The following INPP4B variants were observed in gnomAD, a reference collection of about 807,000 sequenced individuals.
INPP4B encodes inositol polyphosphate-4-phosphatase type II B.
INPP4B carries 55 observed loss-of-function variants against 122.5 expected under a neutral mutation model. That is an observed-to-expected ratio of 0.45 (90% CI 0.36 to 0.56). INPP4B has a LOEUF of 0.56. INPP4B is among the 20% of genes least tolerant of loss of function. The pLI, the probability that INPP4B is intolerant of heterozygous loss-of-function variation, is 0.00. For synonymous variants in INPP4B, 403 were observed against 388.7 expected (o/e 1.04, Z -0.43); for missense variants, 1,000 against 1,097.7 (o/e 0.91, Z 1.26).
chr4:142,639,779 A>G (rs1379862569), intron 2 of INPP4B, among the ~76,000 whole-genome samples: 1 of 152,120 alleles, frequency 6.6e-6, no homozygotes, highest in Non-Finnish European at 1.5e-5. Flanking sequence ...TTGCCTTTGA[A>G]TGAGAGGTAT....
intron 2 of INPP4B, among the ~76,000 whole-genome samples, chr4:142,618,753 G>C (rs1285285935): frequency 2.0e-5 from 3 of 151,916 alleles, no homozygotes; most frequent in Non-Finnish European, 4.4e-5. Flanking sequence ...AAACTAAAAA[G>C]CTTCTGCAGA....
intron 5 of INPP4B, among the ~76,000 whole-genome samples, chr4:142,422,914 C>G (rs1434142916): frequency 6.6e-6 from 1 of 151,996 alleles, no homozygotes; most frequent in Admixed American, 6.6e-5. Flanking sequence ...CAAGCACAGG[C>G]CTTGTTTAAT....
At chr4:142,068,924 A>G (rs552171570) in intron 25 of INPP4B, among the ~76,000 whole-genome samples, 1,971 of 152,156 alleles carry the variant, frequency 0.013, 44 homozygotes, top group African/African-American at 0.045. Context: ...ACAGATCAAC[A>G]AGACAGAAAG....
At chr4:142,514,694 C>A (rs537048043) in intron 2 of INPP4B, 1 of 151,662 alleles carries the variant, frequency 6.6e-6, no homozygotes, top group Non-Finnish European at 1.5e-5. Context: ...ATGTAGAGAA[C>A]TCAGCTTAGA....
At chr4:142,764,238 G>A (rs1456070631) in intron 1 of INPP4B, among the ~76,000 whole-genome samples, 1 of 152,026 alleles carries the variant, frequency 6.6e-6, no homozygotes, top group Non-Finnish European at 1.5e-5. Context: ...AAACTCACAA[G>A]CAAACTAAAA....
intron 12 of INPP4B, among the ~76,000 whole-genome samples, chr4:142,213,376 T>C (rs951752410): frequency 1.2e-4 from 19 of 152,280 alleles, no homozygotes; most frequent in Middle Eastern, 3.4e-3. Context: ...ATAGCTATAT[T>C]AGCTTTGGAA....
chr4:142,224,527 A>C (rs1208193092), intron 12 of INPP4B, among the ~76,000 whole-genome samples: 1 of 152,180 alleles, frequency 6.6e-6, no homozygotes. Context: ...CCAATTCTAC[A>C]TTATATGAAA....
intron 1 of INPP4B, among the ~76,000 whole-genome samples, chr4:142,758,003 G>A (rs925000973): frequency 6.6e-6 from 1 of 152,162 alleles, no homozygotes; most frequent in African/African-American, 2.4e-5. Flanking sequence ...AAACTCCATA[G>A]GCAACAGGCA....
intron 7 of INPP4B, among the ~76,000 whole-genome samples, chr4:142,315,696 G>A (rs1767330912): frequency 6.6e-6 from 1 of 150,606 alleles, no homozygotes; most frequent in Non-Finnish European, 1.5e-5. Context: ...GAAAAAACAA[G>A]AAACATATCT....
At chr4:142,665,686 A>G (rs1378441776) in intron 2 of INPP4B, among the ~76,000 whole-genome samples, 2 of 152,124 alleles carry the variant, frequency 1.3e-5, no homozygotes, top group African/African-American at 4.8e-5. Context: ...TGCCATTGAA[A>G]ATATTTTCAT....
In INPP4B at chr4:142,553,516, T is replaced by C. The variant is rs543290771; in HGVS notation, c.-190-90790A>G. ...GACAAGCCAAAGGGCTAGAGAATTG[T>C]TGCCTGCTAGTCAACTCATAGTTGA... On this transcript the variant is annotated intron_variant, in intron 2 of 25. Transcript: ENST00000262992. Among the ~76,000 whole-genome samples the C allele has an allele frequency of 6.6e-5, 10 of 152,334 alleles. No individual in the cohort carries two copies. The South Asian group carries it at 1.5e-3, about 22-fold the overall frequency.
At chr4:142,690,224 C>T (rs951483188) in intron 2 of INPP4B, among the ~76,000 whole-genome samples, 1 of 152,150 alleles carries the variant, frequency 6.6e-6, no homozygotes. Context: ...CACGAAGACA[C>T]TGGCTGAGAG....
intron 2 of INPP4B, among the ~76,000 whole-genome samples, chr4:142,605,187 G>A (rs1476255609): frequency 6.6e-6 from 1 of 152,004 alleles, no homozygotes; most frequent in Non-Finnish European, 1.5e-5. Context: ...AAACGGTGCT[G>A]GGAAAACTGA....
At chr4:142,744,473 A>G (rs1303587693) in intron 1 of INPP4B, among the ~76,000 whole-genome samples, 1 of 151,882 alleles carries the variant, frequency 6.6e-6, no homozygotes, top group African/African-American at 2.4e-5. Flanking sequence ...AAAAGATCAA[A>G]TTAAAGAAAT....
chr4:142,408,187 A>G (rs1011921667), intron 5 of INPP4B, among the ~76,000 whole-genome samples: 3 of 152,148 alleles, frequency 2.0e-5, no homozygotes, highest in Non-Finnish European at 2.9e-5. Flanking sequence ...TACTCATATG[A>G]TCACTATAAA....
At chr4:142,471,221 A>G (rs1818761736) in intron 2 of INPP4B, among the ~76,000 whole-genome samples, 2 of 152,250 alleles carry the variant, frequency 1.3e-5, no homozygotes, top group South Asian at 4.1e-4. Context: ...ATTAACGATC[A>G]AAATAGATAA....
intron 15 of INPP4B, among the ~76,000 whole-genome samples, chr4:142,179,639 C>T (rs1296176861): frequency 1.3e-5 from 2 of 151,450 alleles, no homozygotes; most frequent in African/African-American, 2.4e-5. Context: ...ACAGTGGCTT[C>T]TACTATTCCA....
At chr4:142,130,783 A>G (rs1166202596) in intron 18 of INPP4B, among the ~76,000 whole-genome samples, 1 of 152,204 alleles carries the variant, frequency 6.6e-6, no homozygotes, top group African/African-American at 2.4e-5. Context: ...AAATAACTGT[A>G]CTGCTCAACC....
chr4:142,747,581 C>T (rs1253768707), intron 1 of INPP4B, among the ~76,000 whole-genome samples: 2 of 152,026 alleles, frequency 1.3e-5, no homozygotes, highest in African/African-American at 4.8e-5. Flanking sequence ...TGTATGTTTA[C>T]TGTGGCACTG....
Sources: allele counts gnomAD v4.1 joint callset (sites outside exome capture counted in the v4.1 genomes callset), GRCh38; gene constraint gnomAD v4.1.1; transcripts MANE v1.5; gene names NCBI Gene and HGNC (gene_info 2026-07-23, HGNC 2026-07-21).